The following ATXN8OS variants were observed in gnomAD, a reference collection of about 807,000 sequenced individuals.
ATXN8OS encodes the protein ATXN8 opposite strand (non-protein coding).
At chr13:70,111,852 G>T (rs1288545362) in intron 1 of ATXN8OS, among the ~76,000 whole-genome samples, 1 of 152,102 alleles carries the variant, frequency 6.6e-6, no homozygotes, top group African/African-American at 2.4e-5. Flanking sequence ...GCTCAAATTT[G>T]AAAGTTCATG....
chr13:70,156,383 C>T (rs1888936880), intron 4 of ATXN8OS, among the ~76,000 whole-genome samples: 1 of 151,974 alleles, frequency 6.6e-6, no homozygotes, highest in Non-Finnish European at 1.5e-5. Flanking sequence ...GGAAATCTAC[C>T]ACTAAAATGT....
At chr13:70,164,827 G>C (rs1366129109) in intron 4 of ATXN8OS, among the ~76,000 whole-genome samples, 2 of 151,954 alleles carry the variant, frequency 1.3e-5, no homozygotes, top group African/African-American at 2.4e-5. Context: ...ATTGCTCCAT[G>C]ATGAGCTTCC....
chr13:70,170,827 C>G (rs1260991714), exon 5 of ATXN8OS, among the ~76,000 whole-genome samples: 1 of 152,016 alleles, frequency 6.6e-6, no homozygotes, highest in Non-Finnish European at 1.5e-5. Context: ...AAGTAATAGC[C>G]TACTACACAC....
chr13:70,128,306 T>C (rs181210498), intron 2 of ATXN8OS, among the ~76,000 whole-genome samples: 2 of 152,250 alleles, frequency 1.3e-5, no homozygotes, highest in African/African-American at 4.8e-5. Context: ...AAGATTCTTT[T>C]TAACACAGTT....
intron 2 of ATXN8OS, among the ~76,000 whole-genome samples, chr13:70,119,012 T>A (rs1888322168): frequency 6.6e-6 from 1 of 152,084 alleles, no homozygotes; most frequent in South Asian, 2.1e-4. Flanking sequence ...AATATTTCAA[T>A]AAATCAATCA....
At chr13:70,167,407 A>T (rs1314239715) in intron 4 of ATXN8OS, among the ~76,000 whole-genome samples, 1 of 152,054 alleles carries the variant, frequency 6.6e-6, no homozygotes, top group East Asian at 1.9e-4. Context: ...AACCATGGCA[A>T]GGAAAAAAAA....
intron 4 of ATXN8OS, among the ~76,000 whole-genome samples, chr13:70,161,790 T>G (rs912317886): frequency 5.9e-5 from 9 of 151,778 alleles, no homozygotes; most frequent in Non-Finnish European, 1.3e-4. Context: ...AATCATAGGA[T>G]GTACAATGCA....
intron 4 of ATXN8OS, among the ~76,000 whole-genome samples, chr13:70,168,533 G>T (rs147033530): frequency 6.7e-6 from 1 of 150,248 alleles, no homozygotes; most frequent in Non-Finnish European, 1.5e-5. Context: ...CCCGCCCCAC[G>T]CATATGCACC....
intron 2 of ATXN8OS, among the ~76,000 whole-genome samples, chr13:70,116,519 G>T (rs888651796): frequency 7.2e-5 from 11 of 152,150 alleles, no homozygotes; most frequent in African/African-American, 2.7e-4. Context: ...TACTAGAAGC[G>T]AGTGAGCAGA....
At chr13:70,138,785 C>T (rs529801103) in intron 3 of ATXN8OS, among the ~76,000 whole-genome samples, 1 of 151,870 alleles carries the variant, frequency 6.6e-6, no homozygotes, top group African/African-American at 2.4e-5. Flanking sequence ...ACATTTTAAC[C>T]TTTAATTTAA....
chr13:70,157,493 G>A (rs1427843862), intron 4 of ATXN8OS, among the ~76,000 whole-genome samples: 7 of 107,290 alleles, frequency 6.5e-5, no homozygotes, highest in African/African-American at 1.8e-4. Context: ...CAATTAACTG[G>A]ACTCACATGA....
chr13:70,119,371 G>A (rs191183436), intron 2 of ATXN8OS, among the ~76,000 whole-genome samples: 19 of 152,138 alleles, frequency 1.2e-4, no homozygotes, highest in African/African-American at 4.3e-4. Flanking sequence ...ATTTTCATAT[G>A]CAACATAATA....
chr13:70,150,355 G>A (rs1371261313), intron 4 of ATXN8OS, among the ~76,000 whole-genome samples: 3 of 152,090 alleles, frequency 2.0e-5, no homozygotes, highest in Non-Finnish European at 4.4e-5. Context: ...AGACAGTGAT[G>A]AGCTTGGGTT....
intron 3 of ATXN8OS, among the ~76,000 whole-genome samples, chr13:70,142,850 G>T (rs1336020510): frequency 6.6e-6 from 1 of 152,154 alleles, no homozygotes; most frequent in African/African-American, 2.4e-5. Context: ...GAGGCGGGAG[G>T]ATCACCTGAG....
chr13:70,157,083 A>G (rs2137502492), intron 4 of ATXN8OS, among the ~76,000 whole-genome samples: 1 of 152,184 alleles, frequency 6.6e-6, no homozygotes, highest in East Asian at 1.9e-4. Flanking sequence ...ATGCTAATGC[A>G]ATCTGATGAA....
rs4053603 is a variant in ATXN8OS at position 70,167,723 on chromosome 13, C to CTTTTTTTTTTT, written n.574-2014_574-2004dup. ...AATACTATCACAACATATGTAACTT[C>CTTTTTTTTTTT]TTTTTTTTTTTTTTTTTTTTTTTTT... On this transcript the variant is annotated intron_variant and non_coding_transcript_variant, in intron 4 of 4. Coordinates refer to ENST00000678624, the Ensembl canonical transcript of ATXN8OS. Among the ~76,000 whole-genome samples the CTTTTTTTTTTT allele has an allele frequency of 6.5e-5, 4 of 61,896 alleles. 2 individuals carry two copies. Among genetic ancestry groups the CTTTTTTTTTTT allele is most frequent in the African/African-American group, 2.2e-4 (4 of 17,844 alleles). The allele number at this position is 61,896 out of a possible 152,430, so 40.6% of individuals were successfully genotyped here.
chr13:70,133,264 T>C (rs1888560403), intron 3 of ATXN8OS, among the ~76,000 whole-genome samples: 1 of 152,020 alleles, frequency 6.6e-6, no homozygotes, highest in African/African-American at 2.4e-5. Flanking sequence ...ATAATAAAAT[T>C]TAAAAAATAC....
intron 2 of ATXN8OS, among the ~76,000 whole-genome samples, chr13:70,118,651 C>A (rs903394527): frequency 3.3e-5 from 5 of 151,966 alleles, no homozygotes; most frequent in African/African-American, 1.2e-4. Context: ...AACTTTTCTA[C>A]ACTTATGTTA....
At chr13:70,152,431 A>G (rs1253426497) in intron 4 of ATXN8OS, among the ~76,000 whole-genome samples, 1 of 152,054 alleles carries the variant, frequency 6.6e-6, no homozygotes, top group Non-Finnish European at 1.5e-5. Context: ...ACACATATGT[A>G]CATATATGTG....
Sources: allele counts gnomAD v4.1 joint callset (sites outside exome capture counted in the v4.1 genomes callset), GRCh38; gene constraint gnomAD v4.1.1; transcripts MANE v1.5; gene names NCBI Gene and HGNC (gene_info 2026-07-23, HGNC 2026-07-21).